The following VWA5B1 variants were observed in gnomAD, a reference collection of about 807,000 sequenced individuals.
VWA5B1 encodes the protein von Willebrand factor A domain-containing protein 5B1.
A neutral mutation model predicts 118.2 loss-of-function variants in VWA5B1; 115 were observed. The observed-to-expected ratio is 0.97, with a 90% confidence interval of 0.84 to 1.14. The LOEUF is 1.14. VWA5B1 is among the 50% of genes most tolerant of loss of function. VWA5B1 has a pLI of 0.00. For synonymous variants in VWA5B1, 682 were observed against 658.4 expected (o/e 1.04, Z -0.55); for missense variants, 1,596 against 1,603.8 (o/e 1.00, Z 0.08).
At position 20,359,042 on chromosome 1, in the gene VWA5B1, G is replaced by A. The variant is rs1331358977; in HGVS notation, c.*4779G>A. Among the ~76,000 whole-genome samples the A allele has an allele frequency of 6.6e-6, 1 of 152,176 alleles. No individual in the cohort carries two copies. Among genetic ancestry groups the A allele is most frequent in the Non-Finnish European group, 1.5e-5 (1 of 68,018 alleles). ...GCCTCCCCGGGTTACCCGATGAGGT[G>A]GGATTTTTCTCCTGTTCATGCTGCA... is the stretch of plus-strand genomic sequence containing the variant. On this transcript the variant is annotated 3_prime_UTR_variant, in exon 22 of 22. Transcript: ENST00000289815.
chr1:20,330,405 G>T (rs984268128), intron 10 of VWA5B1, 23 bp downstream of exon 10: 45 of 1,550,618 alleles, frequency 2.9e-5, no homozygotes, highest in Non-Finnish European at 3.9e-5. Context: ...TGAGGGTCTA[G>T]GCTCGGTGAC....
intron 9 of VWA5B1, among the ~76,000 whole-genome samples, chr1:20,328,298 C>A (rs2089448038): frequency 6.6e-6 from 1 of 152,114 alleles, no homozygotes; most frequent in Admixed American, 6.5e-5. Flanking sequence ...GAGGACATAG[C>A]CCAGGCCTGC....
chr1:20,348,184 G>C, intron 17 of VWA5B1, 61 bp from the exon 18 acceptor site: 1 of 1,447,338 alleles, frequency 6.9e-7, no homozygotes, highest in Admixed American at 2.0e-5. Flanking sequence ...AGCTCTGGGG[G>C]AAAGGCAAAG....
Position 20,336,301 on chromosome 1 carries a change from A to C in VWA5B1, c.1759-2A>C, listed in dbSNP as rs1178407842. 2.1e-6 allele frequency: 3 copies of C among 1,424,252 alleles called. No individual in the cohort carries two copies. The highest frequency in any genetic ancestry group is 2.8e-6 in the Non-Finnish European group (3 of 1,077,656). The allele number at this position is 1,424,252 out of a possible 1,614,324, so 88.2% of individuals were successfully genotyped here. A position where few individuals can be genotyped will look rare whatever the true frequency, so the allele number is the denominator to read the frequency against. On this transcript the variant is annotated splice_acceptor_variant, in intron 12 of 21. Transcript: ENST00000289815. LOFTEE classifies it high-confidence loss of function. ...AGCCCTCTTTTCTGTTTCTCCCTACAGGACAAGAGGCGCCGGTACAGCATG... is the reference window on the plus strand; with the variant it reads ...AGCCCTCTTTTCTGTTTCTCCCTACCGGACAAGAGGCGCCGGTACAGCATG...
Position 20,337,798 on chromosome 1 carries a change from A to G in VWA5B1, c.2095A>G (p.Thr699Ala), listed in dbSNP as rs1276895178. 4 of 1,551,786 alleles carry G rather than the reference A, an allele frequency of 2.6e-6. No individual in the cohort carries two copies. In the South Asian group the frequency reaches 4.8e-5, roughly 18 times the overall value. ...CAGGCTGCAGGACCTCACCAACCAG[A>G]CCAGCCTGGATGTCCAGCGGTGGCA... ...KARLQDLTNQ[T>A]SLDVQRWQID... The change falls in exon 14 of 22, where the codon ACC (threonine) becomes GCC (alanine). Residue 699 changes from threonine (T) to alanine (A), a missense_variant. Physicochemically the swap from Thr to Ala is moderately conservative, Grantham distance 58. Transcript: ENST00000289815.
Position 20,317,583 on chromosome 1 carries a change from G to T in VWA5B1, c.617G>T (p.Cys206Phe), listed in dbSNP as rs2089058098. The T allele has an allele frequency of 6.4e-7, 1 of 1,551,846 alleles. No homozygotes were observed. ...AWAPGSWNKL[C>F]LATLLNTEVS... ...GCCCCGGGCTCCTGGAATAAGTTGT[G>T]CCTGGCGACTCTCCTGAACACCGAA... The change falls in exon 5 of 22, where the codon TGC (cysteine) becomes TTC (phenylalanine). Residue 206 changes from cysteine (C) to phenylalanine (F), a missense_variant. Cys to Phe is a radical substitution (Grantham distance 205, BLOSUM62 -2). Transcript: ENST00000289815.
rs565940967 is a variant in VWA5B1, at chr1:20,357,799, C to T, written c.*3536C>T. ...ATTAGCACTACCTAGGTACCCTTTG[C>T]GCTAACGGCCAGCCCCCTGAGCTTT... On this transcript the variant is annotated 3_prime_UTR_variant, in exon 22 of 22. Coordinates refer to ENST00000289815, the MANE Select transcript of VWA5B1 (RefSeq NM_001039500.3). 6.6e-6 allele frequency among the ~76,000 whole-genome samples: 1 copy of T among 152,288 alleles called. No individual in the cohort carries two copies. Among genetic ancestry groups the T allele is most frequent in the African/African-American group, 2.4e-5 (1 of 41,548 alleles).
At chr1:20,323,017 C>G (rs2089269734) in intron 7 of VWA5B1, 1 of 184,566 alleles carries the variant, frequency 5.4e-6, no homozygotes, top group African/African-American at 2.3e-5. Context: ...TGTGCTGACT[C>G]AGTTCATCCT....
intron 12 of VWA5B1, 25 bp from the exon 13 acceptor site, chr1:20,336,278 C>A: frequency 7.3e-7 from 1 of 1,365,054 alleles, no homozygotes; most frequent in Non-Finnish European, 9.6e-7. Context: ...TCACTCCTAG[C>A]CCTCTTTTCT....
Position 20,356,415 on chromosome 1 carries a change from G to A in VWA5B1, c.*2152G>A, listed in dbSNP as rs187918807. On this transcript the variant is annotated 3_prime_UTR_variant, in exon 22 of 22. Transcript: ENST00000289815. ...CTCTGTGTGACCTTGAACAAGTGGC[G>A]TGTGTGTTCTGGGCCTCTTTCTTCC... Among the ~76,000 whole-genome samples the A allele has an allele frequency of 4.6e-5, 7 of 152,134 alleles. No individual in the cohort carries two copies. Among genetic ancestry groups the A allele is most frequent in the African/African-American group, 1.2e-4 (5 of 41,402 alleles).
chr1:20,353,163 G>A (rs1440196893), intron 21 of VWA5B1, among the ~76,000 whole-genome samples: 1 of 152,234 alleles, frequency 6.6e-6, no homozygotes, highest in Non-Finnish European at 1.5e-5. Context: ...GAGCTTGGCA[G>A]CTGGGGAATG....
chr1:20,321,867 G>A (rs1185241081), intron 7 of VWA5B1, among the ~76,000 whole-genome samples: 1 of 152,164 alleles, frequency 6.6e-6, no homozygotes, highest in African/African-American at 2.4e-5. Context: ...AGAGGAGGTG[G>A]ACAGGCAGGC....
chr1:20,319,580 A>C (rs1442263850), intron 7 of VWA5B1, 74 bp downstream of exon 7: 1 of 1,531,558 alleles, frequency 6.5e-7, no homozygotes, highest in Admixed American at 2.0e-5. Context: ...CCACTGAACA[A>C]GTGAGGTGGG....
Position 20,318,733 on chromosome 1 carries a change from C to G in VWA5B1, c.841+12C>G, listed in dbSNP as rs765484467. The G allele has an allele frequency of 2.0e-6, 3 of 1,472,296 alleles. No individual in the cohort carries two copies. The highest frequency in any genetic ancestry group is 2.8e-5 in the African/African-American group (2 of 70,900). 91.2% of individuals were successfully genotyped at this position (1,472,296 alleles called of 1,614,324 possible). A position where few individuals can be genotyped will look rare whatever the true frequency, so the allele number is the denominator to read the frequency against. On this transcript the variant is annotated intron_variant, in intron 6 of 21. Transcript: ENST00000289815. ...CATCCACCCCAGCGGTACGGTGCCC[C>G]ACAACGGGCCCCTGGGCTGCCTGTG... is the stretch of plus-strand genomic sequence containing the variant.
At position 20,350,888 on chromosome 1, in the gene VWA5B1, T is replaced by C. The variant is rs1157423488; in HGVS notation, c.2985T>C (p.Leu995=). ...AGCGCAGCCTGGCTACAAATACTCT[T>C]TCTTCCATGAAGGCCTCAGAGAATC... is the stretch of plus-strand genomic sequence containing the variant. ...GPQRSLATNT[L]SSMKASENLF... is the part of the protein sequence containing the mutation. Residue 995 remains leucine (L), a synonymous_variant, in exon 20 of 22, where the codon CTT becomes CTC. Coordinates refer to ENST00000289815, the MANE Select transcript of VWA5B1 (RefSeq NM_001039500.3). The C allele has an allele frequency of 4.5e-6, 7 of 1,551,954 alleles. No homozygotes were observed. The highest frequency in any genetic ancestry group is 6.1e-6 in the Non-Finnish European group (7 of 1,147,028).
chr1:20,348,827 C>A (rs903563463), intron 18 of VWA5B1, among the ~76,000 whole-genome samples: 19 of 152,232 alleles, frequency 1.2e-4, no homozygotes, highest in African/African-American at 4.6e-4. Context: ...ATTGTGCCTG[C>A]AGCTTGGCTC....
rs965870016 is a variant in VWA5B1, at chr1:20,317,450, C to T, written c.564-80C>T. On this transcript the variant is annotated intron_variant, in intron 4 of 21. Transcript: ENST00000289815. ...GTGGGCTGGGCTGCCTGGAACTCATCGTCCTCTCCTTGTCTTCTCGCGCTG... is the reference window on the plus strand; with the variant it reads ...GTGGGCTGGGCTGCCTGGAACTCATTGTCCTCTCCTTGTCTTCTCGCGCTG... 1.1e-5 allele frequency: 16 copies of T among 1,499,288 alleles called. No homozygotes were observed. In the South Asian group the frequency reaches 1.1e-4, roughly 10 times the overall value. 92.9% of individuals were successfully genotyped at this position (1,499,288 alleles called of 1,614,324 possible).
chr1:20,318,325 G>A (rs1171167547), intron 5 of VWA5B1: 23 of 517,314 alleles, frequency 4.4e-5, no homozygotes, highest in South Asian at 2.8e-4. Flanking sequence ...GGATCAGTGC[G>A]TGCCCTATAA....
At chr1:20,321,687 G>A (rs973845021) in intron 7 of VWA5B1, among the ~76,000 whole-genome samples, 3 of 151,276 alleles carry the variant, frequency 2.0e-5, no homozygotes, top group Non-Finnish European at 4.4e-5. Flanking sequence ...CCGGGCGTCA[G>A]CAAAAGCCTG....
Sources: gnomAD v4.1 joint callset for allele counts (sites outside exome capture counted in the v4.1 genomes callset) on GRCh38, gnomAD v4.1.1 for gene constraint, MANE v1.5 for transcripts, NCBI Gene and HGNC (gene_info 2026-07-23, HGNC 2026-07-21) for gene names.